Variants in APEH observed in about 807,000 individuals in gnomAD.
The protein encoded by APEH is acylaminoacyl-peptide hydrolase, also known as acylamino-acid-releasing enzyme.
In APEH, 75 loss-of-function variants were observed where a neutral mutation model predicts 102.7. That is an observed-to-expected ratio of 0.73 (90% CI 0.61 to 0.89). The LOEUF (loss-of-function observed/expected upper bound fraction) is 0.89, where lower values mean the gene tolerates loss of function less well. Among genes scored for constraint, APEH ranks in the 40% least tolerant of loss-of-function variants. The pLI, the probability that APEH is intolerant of heterozygous loss-of-function variation, is 0.00. For missense variants in APEH, 863 were observed against 941.2 expected (o/e 0.92, Z 1.09); for synonymous variants, 344 against 362.7 (o/e 0.95, Z 0.59).
intron 8 of APEH, 23 bp downstream of exon 8, chr3:49,676,723 G>T: frequency 1.9e-6 from 3 of 1,614,198 alleles, no homozygotes; most frequent in Non-Finnish European, 2.5e-6. Flanking sequence ...GGCAAGGCAA[G>T]GGGCCTTGCA....
At chr3:49,677,492 A>G in intron 10 of APEH, 81 bp from the exon 11 acceptor site, 2 of 1,340,934 alleles carry the variant, frequency 1.5e-6, no homozygotes, top group South Asian at 2.3e-5. Context: ...TACCTGAGGC[A>G]AAAGGGGATA....
chr3:49,681,814 C>T lies in APEH; in HGVS notation c.1522+9C>T. 1 of 1,611,810 alleles carries T rather than the reference C, an allele frequency of 6.2e-7. No individual in the cohort carries two copies. The highest frequency in any genetic ancestry group is 8.5e-7 in the Non-Finnish European group (1 of 1,178,130). ...GGTGGTCATGCCCCACGGTAGGCATCTGGCGTTAAGAGCCCTTGCCCTCCC... is the reference window on the plus strand; with the variant it reads ...GGTGGTCATGCCCCACGGTAGGCATTTGGCGTTAAGAGCCCTTGCCCTCCC... On this transcript the variant is annotated intron_variant, in intron 16 of 21. Coordinates refer to ENST00000296456, the MANE Select transcript of APEH (RefSeq NM_001640.4).
In APEH at chr3:49,674,363, G is replaced by T; in HGVS notation, c.-39G>T. Reference sequence around the variant, plus strand: ...CCCCGGAAGCCTCACTTCCGGGCGCGAGCACGCCCCGCCTCGCCCCGGCGG... The same window carrying T: ...CCCCGGAAGCCTCACTTCCGGGCGCTAGCACGCCCCGCCTCGCCCCGGCGG... On this transcript the variant is annotated 5_prime_UTR_variant, in exon 1 of 22. Transcript: ENST00000296456. 1.3e-6 allele frequency: 2 copies of T among 1,546,834 alleles called. No individual in the cohort carries two copies. Among genetic ancestry groups the T allele is most frequent in the South Asian group, 1.2e-5 (1 of 85,058 alleles).
At chr3:49,674,438 G>T (rs560118321) in intron 1 of APEH, 25 bp downstream of exon 1, 14 of 1,573,620 alleles carry the variant, frequency 8.9e-6, no homozygotes, top group Middle Eastern at 1.8e-4. Context: ...CGCGGTCCCC[G>T]TGGTCCCTGC....
At chr3:49,682,069 C>A in intron 17 of APEH, 102 bp downstream of exon 17, 1 of 1,320,664 alleles carries the variant, frequency 7.6e-7, no homozygotes, top group East Asian at 2.3e-5. Flanking sequence ...GTCTCCAGGA[C>A]TTTCTCTAGC....
In APEH at chr3:49,678,881, C is replaced by T. The variant is rs1027699960; in HGVS notation, c.1090C>T (p.Leu364=). Residue 364 remains leucine (L), a synonymous_variant, in exon 12 of 22, where the codon CTG becomes TTG. Coordinates refer to ENST00000296456, the MANE Select transcript of APEH (RefSeq NM_001640.4). The part of the protein sequence containing the change: ...ENFSGIYCSL[L]PLGCWSADSQ... ...CTTCTCTGGGATCTACTGCAGCCTT[C>T]TGCCTTTGGGATGCTGGTCAGCTGA... The T allele has an allele frequency of 1.2e-6, 2 of 1,613,844 alleles. No individual in the cohort carries two copies. The highest frequency in any genetic ancestry group is 1.3e-5 in the African/African-American group (1 of 74,908).
At chr3:49,682,325 G>A (rs149405166) in intron 17 of APEH, 23 bp from the exon 18 acceptor site, 511 of 1,596,774 alleles carry the variant, frequency 3.2e-4, no homozygotes, top group Middle Eastern at 8.3e-4. Flanking sequence ...TGACTACACT[G>A]TCTGGTCCCT....
intron 10 of APEH, 63 bp downstream of exon 10, chr3:49,677,087 C>T: frequency 6.2e-7 from 1 of 1,606,202 alleles, no homozygotes. Context: ...TGGATGAGAG[C>T]TGAAGGGCCA....
At position 49,681,086 on chromosome 3, in the gene APEH, CT is replaced by C; in HGVS notation, c.1300-12del. 2 of 1,565,064 alleles carry C rather than the reference CT, an allele frequency of 1.3e-6. No homozygotes were observed. Among genetic ancestry groups the C allele is most frequent in the Non-Finnish European group, 8.7e-7 (1 of 1,153,826 alleles). ...GCAGCCAGGCCACCTATGACACATT[CT>C]TTCCCCTTGGCAGAAAGTTGGGTTC... On this transcript the variant is annotated splice_polypyrimidine_tract_variant and intron_variant, in intron 14 of 21. Transcript: ENST00000296456.
chr3:49,683,192 C>A, intron 21 of APEH, 45 bp from the exon 22 acceptor site: 1 of 1,609,952 alleles, frequency 6.2e-7, no homozygotes, highest in Non-Finnish European at 8.5e-7. Flanking sequence ...CAGGTGAGCA[C>A]AGGAGGACCC....
intron 10 of APEH, among the ~76,000 whole-genome samples, chr3:49,677,369 G>A (rs2053108522): frequency 6.6e-6 from 1 of 152,190 alleles, no homozygotes; most frequent in African/African-American, 2.4e-5. Context: ...AGAGCTCTGG[G>A]CCCCTGGTAA....
chr3:49,682,342 C>A lies in APEH; in HGVS notation c.1604-6C>A. ...ACTACACTGTCTGGTCCCTCCCTGC[C>A]CTCAGTGAACTATCGTGGCTCCACG... is the stretch of plus-strand genomic sequence containing the variant. On this transcript the variant is annotated splice_polypyrimidine_tract_variant and splice_region_variant and intron_variant, in intron 17 of 21. Coordinates refer to ENST00000296456, the MANE Select transcript of APEH (RefSeq NM_001640.4). 6.2e-7 allele frequency: 1 copy of A among 1,611,442 alleles called. No individual in the cohort carries two copies. The highest frequency in any genetic ancestry group is 2.2e-5 in the East Asian group (1 of 44,776).
chr3:49,681,804 C>T lies in APEH; in HGVS notation c.1521C>T (p.His507=), dbSNP rs549920856. ...AAGTGCCCATGGTGGTCATGCCCCA[C>T]GGTAGGCATCTGGCGTTAAGAGCCC... is the stretch of plus-strand genomic sequence containing the variant. ...KTQVPMVVMP[H]GGPHSSFVTA... Residue 507 remains histidine (H), a splice_region_variant and synonymous_variant, in exon 16 of 22, where the codon CAC becomes CAT. Transcript: ENST00000296456. 28 of 1,611,520 alleles carry T rather than the reference C, an allele frequency of 1.7e-5. No individual in the cohort carries two copies. The highest frequency in any genetic ancestry group is 1.6e-4 in the Middle Eastern group (1 of 6,074).
At position 49,676,682 on chromosome 3, in the gene APEH, G is replaced by A. The variant is rs1286126689; in HGVS notation, c.818G>A (p.Arg273His). The change falls in exon 8 of 22, where the codon CGC (arginine) becomes CAC (histidine). Residue 273 changes from arginine to histidine, a missense_variant. Arg to His is a conservative substitution (Grantham distance 29). Transcript: ENST00000296456. ...CATGAGCCCTTCCGGTTGGGCATCC[G>A]CTTTTGCACCAATCGCAGGTGAGGG... is the stretch of plus-strand genomic sequence containing the variant. ...WWHEPFRLGI[R>H]FCTNRRSALY... 1.2e-5 allele frequency: 19 copies of A among 1,614,256 alleles called. No individual in the cohort carries two copies. The highest frequency in any genetic ancestry group is 2.2e-5 in the South Asian group (2 of 91,090).
Position 49,676,251 on chromosome 3 carries a change from G to C in APEH, c.606+32G>C, listed in dbSNP as rs759250632. On this transcript the variant is annotated intron_variant, in intron 6 of 21. Coordinates refer to ENST00000296456, the MANE Select transcript of APEH (RefSeq NM_001640.4). ...GTGGTCAATCCACGAAGGCCCGGCAGGGCAGCCCTGGGGCTCAGTGTGCTC... is the reference window on the plus strand; with the variant it reads ...GTGGTCAATCCACGAAGGCCCGGCACGGCAGCCCTGGGGCTCAGTGTGCTC... 28 of 1,611,956 alleles carry C rather than the reference G, an allele frequency of 1.7e-5. 1 individual carries two copies. In the East Asian group the frequency reaches 5.1e-4, roughly 30 times the overall value.
rs779306572 is a variant in APEH, at chr3:49,676,757, T to C, written c.837-20T>C. 15 of 1,614,164 alleles carry C rather than the reference T, an allele frequency of 9.3e-6. No individual in the cohort carries two copies. Among genetic ancestry groups the C allele is most frequent in the Admixed American group, 8.3e-5 (5 of 60,032 alleles). On this transcript the variant is annotated intron_variant, in intron 8 of 21. Coordinates refer to ENST00000296456, the MANE Select transcript of APEH (RefSeq NM_001640.4). ...CAGCCCAGCTGGCCTTGAGACTGAG[T>C]GTCTGTCTCGTGGTTCCAGGTCAGC... is the stretch of plus-strand genomic sequence containing the variant.
At chr3:49,678,810 C>A in intron 11 of APEH, 42 bp from the exon 12 acceptor site, 2 of 1,514,864 alleles carry the variant, frequency 1.3e-6, no homozygotes, top group Non-Finnish European at 1.8e-6. Context: ...ACCCTCCCTA[C>A]CTCCACTCCT....
chr3:49,673,988 C>T, upstream of APEH: 1 of 253,542 alleles, frequency 3.9e-6, no homozygotes, highest in Non-Finnish European at 7.6e-6. Flanking sequence ...GCTGCTTCCG[C>T]CTTGCAGCAC....
In APEH at chr3:49,676,982, C is replaced by T; in HGVS notation, c.957C>T (p.Tyr319=). 2 of 1,614,162 alleles carry T rather than the reference C, an allele frequency of 1.2e-6. No individual in the cohort carries two copies. The highest frequency in any genetic ancestry group is 1.7e-6 in the Non-Finnish European group (2 of 1,180,034). ...PDQCRIVYLQ[Y]PSLIPHHQCS... The stretch of plus-strand genomic sequence containing the variant: ...AATGTCGCATTGTCTACCTGCAGTA[C>T]CCATCTCTGATCCCCCATCACCAAT... Residue 319 remains tyrosine, a synonymous_variant, in exon 10 of 22, where the codon TAC becomes TAT. Transcript: ENST00000296456.
Sources: gnomAD v4.1 joint callset for allele counts (sites outside exome capture counted in the v4.1 genomes callset) on GRCh38, gnomAD v4.1.1 for gene constraint, MANE v1.5 for transcripts, NCBI Gene and HGNC (gene_info 2026-07-23, HGNC 2026-07-21) for gene names.